TRIM36: variants seen among roughly 807,000 people sequenced by gnomAD.
The protein encoded by TRIM36 is E3 ubiquitin-protein ligase TRIM36.
Under a neutral mutation model 72.4 loss-of-function variants are expected in TRIM36, and 42 were observed. The ratio of observed to expected loss-of-function variants is 0.58; its 90% confidence interval spans 0.45 to 0.75. The LOEUF is 0.75. Among genes scored for constraint, TRIM36 ranks in the 30% least tolerant of loss-of-function variants. TRIM36 has a pLI of 0.00. For synonymous variants in TRIM36, 315 were observed against 282.8 expected (o/e 1.11, Z -1.14); for missense variants, 913 against 857.1 (o/e 1.07, Z -0.81).
chr5:115,128,096 G>GT (rs1163523621), intron 9 of TRIM36, among the ~76,000 whole-genome samples: 6 of 148,410 alleles, frequency 4.0e-5, no homozygotes, highest in African/African-American at 9.8e-5. Context: ...AATTGGGGGG[G>GT]GCCAGGAGTG....
rs755949090 is a variant in TRIM36, at chr5:115,126,507, A to G, written c.2147T>C (p.Met716Thr). Residue 716 changes from methionine (M) to threonine (T), a missense_variant, in exon 10 of 10, where the codon ATG becomes ACG. Transcript: ENST00000513154. The stretch of plus-strand genomic sequence containing the variant: ...GAGTCACATCAGATGTTTCAACTAC[A>G]TGTCCTCTTGGTATTCCAGATATTT... ...TAKYLEYQED[M>T] The G allele has an allele frequency of 1.2e-6, 2 of 1,604,182 alleles. No individual in the cohort carries two copies. The highest frequency in any genetic ancestry group is 1.7e-6 in the Non-Finnish European group (2 of 1,172,022).
intron 1 of TRIM36, among the ~76,000 whole-genome samples, chr5:115,165,279 T>G (rs1754700851): frequency 1.3e-5 from 2 of 152,234 alleles, no homozygotes; most frequent in Admixed American, 1.3e-4. Context: ...GTGGGGACTC[T>G]GTGTGGCGGC....
chr5:115,177,455 C>G (rs1173101487), intron 1 of TRIM36: 1 of 1,057,374 alleles, frequency 9.5e-7, no homozygotes, highest in Non-Finnish European at 1.2e-6. Flanking sequence ...ACCAGTTTCC[C>G]ATTATTCTTT....
At chr5:115,155,892 T>C (rs1195613055) in intron 2 of TRIM36, among the ~76,000 whole-genome samples, 2 of 152,216 alleles carry the variant, frequency 1.3e-5, no homozygotes, top group Non-Finnish European at 2.9e-5. Context: ...CATGATTTTT[T>C]ACCTCGAAAA....
chr5:115,165,927 G>T (rs993162619), intron 1 of TRIM36, among the ~76,000 whole-genome samples: 1 of 152,100 alleles, frequency 6.6e-6, no homozygotes, highest in Non-Finnish European at 1.5e-5. Flanking sequence ...ACCTGGCCAG[G>T]TGTGTGTGTG....
Position 115,153,013 on chromosome 5 carries a change from G to GA in TRIM36, c.263-5620dup, listed in dbSNP as rs376559519. On this transcript the variant is annotated intron_variant, in intron 2 of 9. Transcript: ENST00000513154. Reference sequence around the variant, plus strand: ...TACACAGGCAAAAAAATAGCACAGTGAATGAAATGGTACCTCATATCTCAA... The same window carrying GA: ...TACACAGGCAAAAAAATAGCACAGTGAAATGAAATGGTACCTCATATCTCAA... 1.2e-3 allele frequency among the ~76,000 whole-genome samples: 184 copies of GA among 152,218 alleles called. 2 individuals carry two copies. The highest frequency in any genetic ancestry group is 4.2e-3 in the African/African-American group (173 of 41,530).
At chr5:115,152,412 G>C (rs1179561764) in intron 2 of TRIM36, among the ~76,000 whole-genome samples, 2 of 152,122 alleles carry the variant, frequency 1.3e-5, no homozygotes, top group Non-Finnish European at 2.9e-5. Context: ...GTGTTCCTGA[G>C]GAAGAAGAGA....
At chr5:115,157,710 G>A (rs904545900) in intron 2 of TRIM36, among the ~76,000 whole-genome samples, 8 of 152,180 alleles carry the variant, frequency 5.3e-5, no homozygotes, top group African/African-American at 1.4e-4. Flanking sequence ...TTGCAAAAAC[G>A]TGGAAAAAAC....
In TRIM36 at chr5:115,133,855, C is replaced by T. The variant is rs1480332424; in HGVS notation, c.1498+5G>A. On this transcript the variant is annotated splice_donor_5th_base_variant and intron_variant, in intron 8 of 9. Transcript: ENST00000513154. Reference sequence around the variant, plus strand: ...TGCTTTTTTTATTCCTGATATTCACCATACCTGGAGCTGGAGGAGTATGAA... The same window carrying T: ...TGCTTTTTTTATTCCTGATATTCACTATACCTGGAGCTGGAGGAGTATGAA... The T allele has an allele frequency of 3.2e-6, 5 of 1,571,930 alleles. No individual in the cohort carries two copies. The highest frequency in any genetic ancestry group is 2.3e-5 in the East Asian group (1 of 43,962).
At chr5:115,144,518 C>G (rs951411288) in intron 4 of TRIM36, 80 bp downstream of exon 4, 2 of 1,552,744 alleles carry the variant, frequency 1.3e-6, no homozygotes, top group African/African-American at 2.8e-5. Flanking sequence ...TATAACACAC[C>G]ATGATTTTAT....
At chr5:115,135,246 T>C (rs572643118) in intron 7 of TRIM36, among the ~76,000 whole-genome samples, 14 of 152,218 alleles carry the variant, frequency 9.2e-5, no homozygotes, top group South Asian at 4.2e-4. Flanking sequence ...TTATGACAAA[T>C]CACAGAGAAG....
chr5:115,169,739 C>G lies in TRIM36; in HGVS notation c.-105G>C. 6.9e-7 allele frequency: 1 copy of G among 1,445,250 alleles called. No homozygotes were observed. The highest frequency in any genetic ancestry group is 2.7e-5 in the East Asian group (1 of 36,726). The allele number at this position is 1,445,250 out of a possible 1,614,324, so 89.5% of individuals were successfully genotyped here. A position where few individuals can be genotyped will look rare whatever the true frequency, so the allele number is the denominator to read the frequency against. The stretch of plus-strand genomic sequence containing the variant: ...CTGCGGCGGCCGTGGAGCCTCGGTC[C>G]GAAGCTGGAAGATGAGCTGGTCAGC... On this transcript the variant is annotated 5_prime_UTR_variant, in exon 1 of 10. Transcript: ENST00000513154.
At chr5:115,164,329 T>C (rs1351571836) in intron 1 of TRIM36, among the ~76,000 whole-genome samples, 1 of 152,246 alleles carries the variant, frequency 6.6e-6, no homozygotes, top group Non-Finnish European at 1.5e-5. Context: ...ATCAAAGCAA[T>C]TATCTTAAAA....
intron 2 of TRIM36, among the ~76,000 whole-genome samples, chr5:115,150,313 T>G (rs1350081869): frequency 6.6e-6 from 1 of 152,236 alleles, no homozygotes; most frequent in African/African-American, 2.4e-5. Context: ...CACATGTGAC[T>G]TTTAAAATTT....
chr5:115,154,725 G>C (rs1464027869), intron 2 of TRIM36, among the ~76,000 whole-genome samples: 2 of 152,184 alleles, frequency 1.3e-5, no homozygotes, highest in African/African-American at 4.8e-5. Context: ...TCCAGGACCA[G>C]ATGGATTCAC....
chr5:115,177,748 T>C lies in TRIM36; in HGVS notation c.63+2227A>G, dbSNP rs752739833. 4 of 1,613,952 alleles carry C rather than the reference T, an allele frequency of 2.5e-6. No individual in the cohort carries two copies. In the South Asian group the frequency reaches 4.4e-5, roughly 18 times the overall value. ...CCCCACAAAACAGAGAGAGGAATTG[T>C]CCTAAGTTCTTCTTGGGAGAGACTG... is the stretch of plus-strand genomic sequence containing the variant. On this transcript the variant is annotated intron_variant, in intron 1 of 9. Transcript: ENST00000282369.
Position 115,147,271 on chromosome 5 carries a change from A to G in TRIM36, c.386T>C (p.Ile129Thr), listed in dbSNP as rs1753642486. 2 of 1,614,206 alleles carry G rather than the reference A, an allele frequency of 1.2e-6. No homozygotes were observed. Among genetic ancestry groups the G allele is most frequent in the South Asian group, 1.1e-5 (1 of 91,086 alleles). ...AGCTGCTTGACGATATCTTTCCACA[A>G]TAGTTTCCAAAGTGAAGTTTCGAAA... is the stretch of plus-strand genomic sequence containing the variant. ...GLFRNFTLETIVERYRQAARA... is the reference protein window; with the variant it reads ...GLFRNFTLETTVERYRQAARA... Residue 129 changes from isoleucine to threonine, a missense_variant, in exon 3 of 10, where the codon ATT becomes ACT. Coordinates refer to ENST00000513154, the MANE Select transcript of TRIM36 (RefSeq NM_001300759.2).
intron 7 of TRIM36, 45 bp from the exon 8 acceptor site, chr5:115,134,192 T>C (rs774045537): frequency 4.7e-6 from 7 of 1,485,754 alleles, no homozygotes; most frequent in Admixed American, 2.5e-5. Context: ...ATATTGACAT[T>C]TGAAAACCAG....
chr5:115,165,943 G>A (rs1754751466), intron 1 of TRIM36, among the ~76,000 whole-genome samples: 1 of 152,132 alleles, frequency 6.6e-6, no homozygotes, highest in African/African-American at 2.4e-5. Flanking sequence ...GTGTGCTTGA[G>A]GAGATGCTGA....
Sources: gnomAD v4.1 joint callset for allele counts (sites outside exome capture counted in the v4.1 genomes callset) on GRCh38, gnomAD v4.1.1 for gene constraint, MANE v1.5 for transcripts, NCBI Gene and HGNC (gene_info 2026-07-23, HGNC 2026-07-21) for gene names.